Variants in SHANK2 observed in about 807,000 individuals in gnomAD.
The protein encoded by SHANK2 is SH3 and multiple ankyrin repeat domains 2, also known as SH3 and multiple ankyrin repeat domains protein 2.
A neutral mutation model predicts 133.7 loss-of-function variants in SHANK2; 43 were observed. That is an observed-to-expected ratio of 0.32 (90% CI 0.25 to 0.41). The LOEUF (loss-of-function observed/expected upper bound fraction) is 0.41, where lower values mean the gene tolerates loss of function less well. Among genes scored for constraint, SHANK2 ranks in the 10% least tolerant of loss-of-function variants. SHANK2 has a pLI of 1.00. For synonymous variants in SHANK2, 1,017 were observed against 952.8 expected (o/e 1.07, Z -1.24); for missense variants, 1,994 against 2,235.8 (o/e 0.89, Z 2.18).
intron 14 of SHANK2, among the ~76,000 whole-genome samples, chr11:70,737,818 C>T (rs550763598): frequency 7.9e-5 from 12 of 152,364 alleles, no homozygotes; most frequent in African/African-American, 2.9e-4. Flanking sequence ...TTTCCCTGCA[C>T]ACAGATGGCA....
chr11:71,218,350 C>T (rs1330629549), intron 2 of SHANK2, among the ~76,000 whole-genome samples: 3 of 147,940 alleles, frequency 2.0e-5, no homozygotes, highest in East Asian at 2.0e-4. Context: ...CCGCAACCTG[C>T]GCCTCCCAGG....
At chr11:71,091,578 G>A (rs1450237347) in intron 8 of SHANK2, among the ~76,000 whole-genome samples, 1 of 152,086 alleles carries the variant, frequency 6.6e-6, no homozygotes, top group African/African-American at 2.4e-5. Context: ...AGGTAGACAG[G>A]TGCTATCAGC....
intron 2 of SHANK2, among the ~76,000 whole-genome samples, chr11:71,148,155 G>C (rs1952693616): frequency 6.6e-6 from 1 of 151,520 alleles, no homozygotes; most frequent in South Asian, 2.1e-4. Context: ...CGTGATCTCG[G>C]CTCACCGCAA....
intron 2 of SHANK2, among the ~76,000 whole-genome samples, chr11:71,183,861 T>C (rs755409376): frequency 7.2e-5 from 11 of 152,152 alleles, no homozygotes; most frequent in Non-Finnish European, 1.3e-4. Context: ...GCCAAGTTTA[T>C]TGGGGAGAGG....
Position 70,820,363 on chromosome 11 carries a change from C to A in SHANK2, c.1493+1G>T. ...TTCCCTTGGCGTCTGCCACTCCTTA[C>A]CCGACATGCCAGAGAGGCTGCGGCC... On this transcript the variant is annotated splice_donor_variant, in intron 12 of 25. Transcript: ENST00000601538. LOFTEE classifies it high-confidence loss of function. The A allele has an allele frequency of 1.6e-6, 1 of 625,732 alleles. No individual in the cohort carries two copies. The allele number at this position is 625,732 out of a possible 1,614,324, so 38.8% of individuals were successfully genotyped here.
intron 17 of SHANK2, among the ~76,000 whole-genome samples, chr11:70,655,776 T>C (rs2061397964): frequency 6.6e-6 from 1 of 152,130 alleles, no homozygotes; most frequent in Non-Finnish European, 1.5e-5. Context: ...TCGAGGAGAC[T>C]TTAGTTGGCA....
intron 8 of SHANK2, among the ~76,000 whole-genome samples, chr11:71,078,194 G>C (rs1951246557): frequency 6.6e-6 from 1 of 150,848 alleles, no homozygotes; most frequent in Admixed American, 6.6e-5. Context: ...AAAAATCAAT[G>C]GGGCTGTGTC....
intron 8 of SHANK2, among the ~76,000 whole-genome samples, chr11:71,083,600 AG>A (rs1396662506): frequency 2.6e-5 from 4 of 152,118 alleles, no homozygotes; most frequent in African/African-American, 4.8e-5. Flanking sequence ...CTCATCCCGA[AG>A]ATACTGAGTC....
chr11:70,570,645 C>A, intron 17 of SHANK2: 1 of 152,502 alleles, frequency 6.6e-6, no homozygotes. Context: ...CAGGGTCACC[C>A]TCCAGGATCA....
chr11:70,617,543 TA>T (rs1228693526), intron 17 of SHANK2, among the ~76,000 whole-genome samples: 53 of 151,936 alleles, frequency 3.5e-4, no homozygotes, highest in African/African-American at 1.2e-3. Context: ...AGAGCAGAGC[TA>T]GGGGGCAGAC....
intron 1 of SHANK2, among the ~76,000 whole-genome samples, chr11:71,225,316 C>T (rs1954621884): frequency 6.6e-6 from 1 of 152,200 alleles, no homozygotes; most frequent in Non-Finnish European, 1.5e-5. Flanking sequence ...CCCTGTGTGG[C>T]TATAATGAAG....
At chr11:71,119,193 T>C (rs1952039305) in intron 3 of SHANK2, among the ~76,000 whole-genome samples, 161 bp from the exon 4 acceptor site, 1 of 152,170 alleles carries the variant, frequency 6.6e-6, no homozygotes, top group African/African-American at 2.4e-5. Flanking sequence ...TAAAGCCTAC[T>C]GGTTGCTGGG....
intron 11 of SHANK2, among the ~76,000 whole-genome samples, chr11:70,833,935 A>G (rs1376061635): frequency 6.6e-6 from 1 of 152,236 alleles, no homozygotes; most frequent in Non-Finnish European, 1.5e-5. Context: ...TGTGTAACTC[A>G]GACCCAGGCC....
intron 5 of SHANK2, among the ~76,000 whole-genome samples, chr11:71,111,566 C>T (rs1590923641): frequency 6.6e-6 from 1 of 152,322 alleles, no homozygotes; most frequent in East Asian, 1.9e-4. Context: ...ACACTCCTCA[C>T]CAGCCTAATT....
At chr11:70,566,015 C>T (rs1456243898) in intron 17 of SHANK2, among the ~76,000 whole-genome samples, 2 of 152,042 alleles carry the variant, frequency 1.3e-5, no homozygotes, top group African/African-American at 4.8e-5. Flanking sequence ...GCTGGGGAGG[C>T]CTCACAATCA....
intron 17 of SHANK2, among the ~76,000 whole-genome samples, chr11:70,563,349 C>G (rs1246465767): frequency 6.6e-6 from 1 of 152,204 alleles, no homozygotes; most frequent in Non-Finnish European, 1.5e-5. Context: ...AGTACACTTC[C>G]ACTCTTCCCC....
At chr11:70,719,160 C>T (rs1946019598) in intron 14 of SHANK2, among the ~76,000 whole-genome samples, 1 of 152,204 alleles carries the variant, frequency 6.6e-6, no homozygotes, top group Non-Finnish European at 1.5e-5. Context: ...TTCCAGATAG[C>T]GTGGGGTGTA....
intron 1 of SHANK2, among the ~76,000 whole-genome samples, chr11:71,235,222 CACAGGTGTCTAA>C (rs1206359832): frequency 2.0e-5 from 3 of 152,132 alleles, no homozygotes; most frequent in African/African-American, 4.8e-5. Context: ...TCACCAGGAA[CACAGGTGTCTAA>C]GAAGGTGGGA....
At chr11:71,244,870 A>G (rs1163040910) in intron 1 of SHANK2, among the ~76,000 whole-genome samples, 2 of 151,944 alleles carry the variant, frequency 1.3e-5, no homozygotes, top group Non-Finnish European at 2.9e-5. Context: ...TGCCTGGCTA[A>G]TTTTTGTATT....
Sources: gnomAD v4.1 joint callset for allele counts (sites outside exome capture counted in the v4.1 genomes callset) on GRCh38, gnomAD v4.1.1 for gene constraint, MANE v1.5 for transcripts, NCBI Gene and HGNC (gene_info 2026-07-23, HGNC 2026-07-21) for gene names.